Variants in EFNA5 observed in about 807,000 individuals in gnomAD.
EFNA5 encodes the protein ephrin A5.
A neutral mutation model predicts 22.9 loss-of-function variants in EFNA5; 5 were observed. That is an observed-to-expected ratio of 0.22 (90% CI 0.11 to 0.46). EFNA5 has a LOEUF of 0.46. Among genes scored for constraint, EFNA5 ranks in the 20% least tolerant of loss-of-function variants. The pLI is 0.99. For missense variants in EFNA5, 237 were observed against 293.3 expected, an observed-to-expected ratio of 0.81 and a Z score of 1.40; for synonymous variants, 113 against 112.2, an observed-to-expected ratio of 1.01 and a Z score of -0.04.
intron 1 of EFNA5, among the ~76,000 whole-genome samples, chr5:107,459,493 T>C (rs956354113): frequency 6.6e-6 from 1 of 152,146 alleles, no homozygotes; most frequent in Non-Finnish European, 1.5e-5. Flanking sequence ...TCATGTTTTA[T>C]AGTTGAGTAA....
chr5:107,461,275 C>T lies in EFNA5; in HGVS notation c.126-33766G>A, dbSNP rs183897542. ...GTTAAAATATCCATAATCACAACAT[C>T]TAAGCAGTTTTCAGATGAAGCAAGG... On this transcript the variant is annotated intron_variant, in intron 1 of 4. Transcript: ENST00000333274. Among the ~76,000 whole-genome samples the T allele has an allele frequency of 1.6e-4, 24 of 152,266 alleles. No homozygotes were observed. In the East Asian group the frequency reaches 4.6e-3, roughly 29 times the overall value.
chr5:107,412,922 G>A (rs964751117), intron 2 of EFNA5, among the ~76,000 whole-genome samples: 2 of 152,170 alleles, frequency 1.3e-5, no homozygotes, highest in East Asian at 1.9e-4. Flanking sequence ...ACTAGTTGAT[G>A]ATAGAAACTA....
chr5:107,397,485 T>G (rs533984428), intron 2 of EFNA5, among the ~76,000 whole-genome samples: 4 of 152,020 alleles, frequency 2.6e-5, no homozygotes, highest in South Asian at 4.2e-4. Flanking sequence ...GAGGCGAAGG[T>G]TGCAGTGAGC....
chr5:107,608,700 G>A (rs555543503), intron 1 of EFNA5, among the ~76,000 whole-genome samples: 40 of 152,256 alleles, frequency 2.6e-4, no homozygotes, highest in African/African-American at 9.1e-4. Context: ...ACACACCCAC[G>A]ACTTCATGGC....
At chr5:107,521,657 G>A (rs979663874) in intron 1 of EFNA5, among the ~76,000 whole-genome samples, 1 of 151,806 alleles carries the variant, frequency 6.6e-6, no homozygotes, top group Non-Finnish European at 1.5e-5. Context: ...GCAACTCACT[G>A]TTGCTGCCCA....
chr5:107,487,121 C>T (rs1000853959), intron 1 of EFNA5, among the ~76,000 whole-genome samples: 1 of 152,146 alleles, frequency 6.6e-6, no homozygotes, highest in African/African-American at 2.4e-5. Context: ...TTATTTTTGC[C>T]CACTAGTTCC....
chr5:107,522,209 T>G (rs1032891774), intron 1 of EFNA5, among the ~76,000 whole-genome samples: 1 of 152,226 alleles, frequency 6.6e-6, no homozygotes, highest in Non-Finnish European at 1.5e-5. Flanking sequence ...TGCATATTAT[T>G]GGGGGATAAT....
chr5:107,401,874 A>G (rs1405545168), intron 2 of EFNA5, among the ~76,000 whole-genome samples: 2 of 152,160 alleles, frequency 1.3e-5, no homozygotes, highest in Non-Finnish European at 2.9e-5. Context: ...CTTTGTTATG[A>G]ATATGGAACA....
chr5:107,569,567 A>ATATATATATATATATATATATATATT (rs1748746159), intron 1 of EFNA5, among the ~76,000 whole-genome samples: 1 of 21,326 alleles, frequency 4.7e-5, no homozygotes, highest in Non-Finnish European at 1.4e-4. Flanking sequence ...ATTTATATAT[A>ATATATATATATATATATATATATATT]TATATATATA....
At position 107,381,171 on chromosome 5, in the gene EFNA5, C is replaced by T; in HGVS notation, c.*84G>A. ...ATCTGCCAAAACCCAATAACAAGTC[C>T]CTTCTTAGGATGAGCAGTTAGGTGG... is the stretch of plus-strand genomic sequence containing the variant. On this transcript the variant is annotated 3_prime_UTR_variant, in exon 5 of 5. Coordinates refer to ENST00000333274, the MANE Select transcript of EFNA5 (RefSeq NM_001962.3). The T allele has an allele frequency of 6.7e-7, 1 of 1,489,444 alleles. No homozygotes were observed. Among genetic ancestry groups the T allele is most frequent in the Non-Finnish European group, 9.0e-7 (1 of 1,105,312 alleles). The allele number at this position is 1,489,444 out of a possible 1,614,324, so 92.3% of individuals were successfully genotyped here.
At chr5:107,417,901 A>AATAG (rs1748544752) in intron 2 of EFNA5, among the ~76,000 whole-genome samples, 1 of 152,202 alleles carries the variant, frequency 6.6e-6, no homozygotes, top group East Asian at 1.9e-4. Flanking sequence ...ATAGAGCAAG[A>AATAG]ATAGATGAGT....
intron 1 of EFNA5, among the ~76,000 whole-genome samples, chr5:107,570,896 A>G (rs1430864159): frequency 2.0e-5 from 3 of 152,232 alleles, no homozygotes; most frequent in Non-Finnish European, 4.4e-5. Context: ...CTGCCATTAA[A>G]TAATGGGCTT....
chr5:107,591,941 TATTATATATAATATATAATATATATAA>T (rs1749352770), intron 1 of EFNA5, among the ~76,000 whole-genome samples: 1 of 21,106 alleles, frequency 4.7e-5, no homozygotes, highest in East Asian at 1.1e-3. Flanking sequence ...ATAATATATA[TATTATATATAATATATAATATATATAA>T]TATATATAAT....
chr5:107,565,697 G>C (rs929609779), intron 1 of EFNA5, among the ~76,000 whole-genome samples: 1 of 152,152 alleles, frequency 6.6e-6, no homozygotes, highest in Admixed American at 6.5e-5. Flanking sequence ...AAGCCTGCAA[G>C]AAAACTTTTT....
intron 1 of EFNA5, among the ~76,000 whole-genome samples, chr5:107,485,735 A>G (rs762171576): frequency 6.6e-6 from 1 of 152,184 alleles, no homozygotes; most frequent in Non-Finnish European, 1.5e-5. Flanking sequence ...GAAAAAGTCA[A>G]AGAGATTGAC....
At chr5:107,484,366 G>A (rs147322111) in intron 1 of EFNA5, among the ~76,000 whole-genome samples, 25 of 152,226 alleles carry the variant, frequency 1.6e-4, no homozygotes, top group African/African-American at 4.3e-4. Context: ...TTCCAGCAAC[G>A]GTAACAATGG....
intron 1 of EFNA5, among the ~76,000 whole-genome samples, chr5:107,583,563 G>C (rs1475923631): frequency 6.6e-6 from 1 of 152,192 alleles, no homozygotes; most frequent in South Asian, 2.1e-4. Flanking sequence ...TAAGAAGCAA[G>C]AGAGCAGTCT....
chr5:107,411,689 G>A (rs58696640), intron 2 of EFNA5, among the ~76,000 whole-genome samples: 33,443 of 152,094 alleles, frequency 0.22, 3,885 homozygotes, highest in South Asian at 0.33. Flanking sequence ...GGTTGCCCAG[G>A]CTGGAGTGCA....
chr5:107,523,016 G>A (rs980378186), intron 1 of EFNA5, among the ~76,000 whole-genome samples: 9 of 152,178 alleles, frequency 5.9e-5, no homozygotes, highest in African/African-American at 2.2e-4. Context: ...GATTCCACAA[G>A]ACAGATAAAG....
Sources: gnomAD v4.1 joint callset for allele counts (sites outside exome capture counted in the v4.1 genomes callset) on GRCh38, gnomAD v4.1.1 for gene constraint, MANE v1.5 for transcripts, NCBI Gene and HGNC (gene_info 2026-07-23, HGNC 2026-07-21) for gene names.